GALK1: variants seen among roughly 807,000 people sequenced by gnomAD.
GALK1 encodes the protein galactokinase 1.
A neutral mutation model predicts 38.6 loss-of-function variants in GALK1; 30 were observed. The observed-to-expected ratio is 0.78, with a 90% CI of 0.58 to 1.05. GALK1 has a LOEUF of 1.05. GALK1 is among the 50% of genes least tolerant of loss of function. The pLI is 0.00. For missense variants in GALK1, 512 were observed against 540.5 expected (o/e 0.95, Z 0.52); for synonymous variants, 240 against 233.6 (o/e 1.03, Z -0.25).
chr17:75,753,317 C>T (rs904079997), downstream of GALK1, among the ~76,000 whole-genome samples: 1 of 152,150 alleles, frequency 6.6e-6, no homozygotes, highest in African/African-American at 2.4e-5. Flanking sequence ...ACTCTGGAAC[C>T]CCAGCTCAGC....
At chr17:75,752,067 C>T (rs1351985818) in intron 8 of GALK1, 1 of 1,243,370 alleles carries the variant, frequency 8.0e-7, no homozygotes, top group Admixed American at 1.7e-5. Flanking sequence ...GCTTCCCCAG[C>T]CCCTGGGTGC....
chr17:75,753,702 G>T, downstream of GALK1: 3 of 1,153,290 alleles, frequency 2.6e-6, no homozygotes, highest in Non-Finnish European at 3.3e-6. Flanking sequence ...GCCTTCCCCC[G>T]CCTGGCCCTG....
chr17:75,753,652 T>G, downstream of GALK1: 1 of 646,916 alleles, frequency 1.5e-6, no homozygotes, highest in Non-Finnish European at 2.2e-6. Context: ...CACCCCGGGA[T>G]CCCGGGAGCT....
rs779337940 is a variant in GALK1, at chr17:75,764,991, T to G, written c.146A>C (p.Gln49Pro). 6.2e-7 allele frequency: 1 copy of G among 1,610,258 alleles called. No individual in the cohort carries two copies. Among genetic ancestry groups the G allele is most frequent in the Non-Finnish European group, 8.5e-7 (1 of 1,178,724 alleles). ...CCTCACCATAGGCAGCACCAGGCCC[T>G]GGTTGTAGTCCGTGTGTTCCCCGAT... ...NLIGEHTDYN[Q>P]GLVLPMALEL... The change falls in exon 1 of 8, where the codon CAG (glutamine) becomes CCG (proline). Residue 49 changes from glutamine to proline, a missense_variant. Transcript: ENST00000588479.
Position 75,762,691 on chromosome 17 carries a change from T to C in GALK1, c.793+13A>G. ...CAGCCGCCTCCAGGATAGAGCACCCTGGCAGTTCTCACCCTCTAGCTCTTC... is the reference window on the plus strand; with the variant it reads ...CAGCCGCCTCCAGGATAGAGCACCCCGGCAGTTCTCACCCTCTAGCTCTTC... On this transcript the variant is annotated intron_variant, in intron 5 of 7. Transcript: ENST00000588479. 3 of 1,613,520 alleles carry C rather than the reference T, an allele frequency of 1.9e-6. No homozygotes were observed. The highest frequency in any genetic ancestry group is 2.5e-6 in the Non-Finnish European group (3 of 1,179,942).
In GALK1 at chr17:75,758,098, G is replaced by A. The variant is rs2061561144; in HGVS notation, c.1137C>T (p.Tyr379=). The A allele has an allele frequency of 1.2e-6, 2 of 1,612,114 alleles. No homozygotes were observed. Among genetic ancestry groups the A allele is most frequent in the African/African-American group, 1.3e-5 (1 of 74,928 alleles). The change falls in exon 8 of 8, where the codon TAC becomes TAT. Residue 379 remains tyrosine, a synonymous_variant. Transcript: ENST00000588479. The part of the protein sequence containing the change: ...QEHYGGTATF[Y]LSQAADGAKV... ...TGGCTCCATCGGCTGCTTGAGAGAGGTAGAAGGTGGCAGTCCCGCCGTAGT... is the reference window on the plus strand; with the variant it reads ...TGGCTCCATCGGCTGCTTGAGAGAGATAGAAGGTGGCAGTCCCGCCGTAGT...
chr17:75,758,584 A>G lies in GALK1; in HGVS notation c.809T>C (p.Val270Ala). Residue 270 changes from valine (V) to alanine (A), a missense_variant, in exon 6 of 8, where the codon GTG (valine) becomes GCG (alanine). Coordinates refer to ENST00000588479, the MANE Select transcript of GALK1 (RefSeq NM_000154.2). Reference protein sequence around the residue: ...LEELEAARDLVSKEGFRRARH... With the variant: ...LEELEAARDLASKEGFRRARH... ...GGCCCGCCGGAAGCCCTCTTTGCTCACCAGGTCCCTGGCAGCTGGGGAGGA... is the reference window on the plus strand; with the variant it reads ...GGCCCGCCGGAAGCCCTCTTTGCTCGCCAGGTCCCTGGCAGCTGGGGAGGA... 1 of 1,595,744 alleles carries G rather than the reference A, an allele frequency of 6.3e-7. No individual in the cohort carries two copies. The highest frequency in any genetic ancestry group is 1.1e-5 in the South Asian group (1 of 89,714).
chr17:75,757,105 G>T (rs1372391029), downstream of GALK1: 2 of 1,612,968 alleles, frequency 1.2e-6, no homozygotes, highest in Non-Finnish European at 1.7e-6. Context: ...TCCCAGGATG[G>T]AGGTAGGCAC....
chr17:75,759,383 A>G (rs2061575908), intron 5 of GALK1, among the ~76,000 whole-genome samples: 1 of 151,532 alleles, frequency 6.6e-6, no homozygotes, highest in Admixed American at 6.6e-5. Context: ...AGTGGAGATC[A>G]TGCCACTGCA....
chr17:75,754,645 C>T (rs372323678), downstream of GALK1: 16 of 1,613,936 alleles, frequency 9.9e-6, no homozygotes, highest in Admixed American at 1.7e-5. Flanking sequence ...AGGATGACCA[C>T]GACCAGTGCT....
At position 75,763,304 on chromosome 17, in the gene GALK1, G is replaced by A. The variant is rs2061595960; in HGVS notation, c.475+16C>T. 1.2e-6 allele frequency: 2 copies of A among 1,613,868 alleles called. No individual in the cohort carries two copies. The highest frequency in any genetic ancestry group is 2.2e-5 in the South Asian group (2 of 91,060). On this transcript the variant is annotated intron_variant, in intron 3 of 7. Transcript: ENST00000588479. ...AGGGAAGGAGGGCTGGGTCAGGGCT[G>A]GGGCCTAGCTGGTACCTGGACAGAG...
In GALK1 at chr17:75,760,626, A is replaced by G. The variant is rs1363620192; in HGVS notation, c.794-2027T>C. On this transcript the variant is annotated intron_variant, in intron 5 of 7. Coordinates refer to ENST00000588479, the MANE Select transcript of GALK1 (RefSeq NM_000154.2). ...ACTAAAAATACAAAAAAAAAAAAAA[A>G]TTAACTCGCTCTGGTGGCACACGCC... is the stretch of plus-strand genomic sequence containing the variant. 2.6e-5 allele frequency among the ~76,000 whole-genome samples: 4 copies of G among 151,504 alleles called. No homozygotes were observed. In the East Asian group the frequency reaches 7.8e-4, roughly 30 times the overall value.
chr17:75,764,254 G>A (rs986973873), intron 1 of GALK1, 168 bp from the exon 2 acceptor site: 4 of 790,494 alleles, frequency 5.1e-6, no homozygotes, highest in Non-Finnish European at 9.0e-6. Flanking sequence ...TTGGGGGCTT[G>A]AGCCCTGCCC....
downstream of GALK1, chr17:75,753,852 G>A (rs762521380): frequency 2.9e-6 from 4 of 1,393,770 alleles, no homozygotes; most frequent in African/African-American, 1.5e-5. Flanking sequence ...CTCATCCCGC[G>A]CCTGTCGGCC....
chr17:75,753,698 C>G (rs1458540050), downstream of GALK1: 2 of 1,117,848 alleles, frequency 1.8e-6, no homozygotes, highest in Non-Finnish European at 2.3e-6. Context: ...TACGGCCTTC[C>G]CCCGCCTGGC....
At chr17:75,751,781 A>G (rs11657667) in intron 8 of GALK1, 8,292 of 302,988 alleles carry the variant, frequency 0.027, 212 homozygotes, top group Non-Finnish European at 0.037. Flanking sequence ...ACATTATTTT[A>G]TCTAGCAGCC....
chr17:75,758,444 C>T lies in GALK1; in HGVS notation c.944+5G>A. On this transcript the variant is annotated splice_donor_5th_base_variant and intron_variant, in intron 6 of 7. Coordinates refer to ENST00000588479, the MANE Select transcript of GALK1 (RefSeq NM_000154.2). ...GGCAGGAGCGGGGCGCCCAGAGGGCCTCACCTGAGTGAGCGGTGGCTCTCC... is the reference window on the plus strand; with the variant it reads ...GGCAGGAGCGGGGCGCCCAGAGGGCTTCACCTGAGTGAGCGGTGGCTCTCC... 6.3e-7 allele frequency: 1 copy of T among 1,575,068 alleles called. No homozygotes were observed. Among genetic ancestry groups the T allele is most frequent in the Non-Finnish European group, 8.6e-7 (1 of 1,161,254 alleles).
At chr17:75,756,653 T>C (rs1417948396), downstream of GALK1, 1 of 1,612,680 alleles carries the variant, frequency 6.2e-7, no homozygotes, top group Admixed American at 1.7e-5. Flanking sequence ...GCTGCCCCCA[T>C]CATGCCCACC....
At chr17:75,757,068 G>C (rs774308604), downstream of GALK1, 21 of 1,612,936 alleles carry the variant, frequency 1.3e-5, no homozygotes, top group East Asian at 4.5e-5. Flanking sequence ...CTTCGGGCCA[G>C]AGCGCGAGGG....
Sources: gnomAD v4.1 joint callset for allele counts (sites outside exome capture counted in the v4.1 genomes callset) on GRCh38, gnomAD v4.1.1 for gene constraint, MANE v1.5 for transcripts, NCBI Gene and HGNC (gene_info 2026-07-23, HGNC 2026-07-21) for gene names.